Variants in ACACA observed in about 807,000 individuals in gnomAD.
ACACA encodes the protein acetyl-CoA carboxylase 1.
Under a neutral mutation model 296.1 loss-of-function variants are expected in ACACA, and 103 were observed. The observed-to-expected ratio is 0.35, with a 90% CI of 0.30 to 0.41. The LOEUF is 0.41. Ranked by LOEUF, ACACA falls within the 10% of genes least tolerant of loss-of-function variation. The pLI is 1.00. For synonymous variants in ACACA, 953 were observed against 1,038.6 expected, an observed-to-expected ratio of 0.92 and a Z score of 1.58; for missense variants, 1,554 against 2,989.7, an observed-to-expected ratio of 0.52 and a Z score of 11.20.
intron 2 of ACACA, among the ~76,000 whole-genome samples, chr17:37,334,676 C>T (rs2048031245): frequency 6.6e-6 from 1 of 152,118 alleles, no homozygotes; most frequent in African/African-American, 2.4e-5. Context: ...CTGGCCCTCC[C>T]TTATCATATT....
At position 37,125,764 on chromosome 17, in the gene ACACA, A is replaced by C; in HGVS notation, c.5975T>G (p.Phe1992Cys). 6.2e-7 allele frequency: 1 copy of C among 1,614,076 alleles called. No homozygotes were observed. Among genetic ancestry groups the C allele is most frequent in the Non-Finnish European group, 8.5e-7 (1 of 1,179,982 alleles). ...TQKGQWLSGF[F>C]DYGSFSEIMQ... ...AATCTCTGAGAAAGATCCATAGTCA[A>C]AAAAGCCACTCAACCACTGACCTTT... The change falls in exon 48 of 56, where the codon TTT becomes TGT. Residue 1992 changes from phenylalanine (F) to cysteine (C), a missense_variant. Phe to Cys is a radical substitution (Grantham distance 205, BLOSUM62 -2). Around this residue, in one of 16 missense-constraint regions of ACACA, gnomAD observed 553 missense variants for 1,043.6 expected, o/e 0.53. Transcript: ENST00000616317.
chr17:37,218,010 C>G (rs1036371692), intron 29 of ACACA, among the ~76,000 whole-genome samples: 4 of 151,586 alleles, frequency 2.6e-5, no homozygotes, highest in African/African-American at 9.7e-5. Flanking sequence ...TTTCTTTATT[C>G]TCACTGATTT....
rs1329011728 is a variant in ACACA, at chr17:37,226,323, C to A, written c.3360+16G>T. 1 of 1,603,072 alleles carries A rather than the reference C, an allele frequency of 6.2e-7. No individual in the cohort carries two copies. Among genetic ancestry groups the A allele is most frequent in the South Asian group, 1.1e-5 (1 of 90,824 alleles). On this transcript the variant is annotated intron_variant, in intron 26 of 55. Coordinates refer to ENST00000616317, the MANE Select transcript of ACACA (RefSeq NM_198834.3). The stretch of plus-strand genomic sequence containing the variant: ...AAAGCCATCCCTCCTTTAAGAAAAC[C>A]AACAAATGTCCTTACCTGGCGTGCT...
intron 1 of ACACA, 101 bp downstream of exon 1, chr17:37,406,161 G>A: frequency 7.4e-7 from 1 of 1,360,000 alleles, no homozygotes; most frequent in Non-Finnish European, 1.1e-6. Context: ...GACCGTATGT[G>A]TAACCTGCTT....
chr17:37,159,588 A>G (rs1248293867), intron 42 of ACACA, among the ~76,000 whole-genome samples: 1 of 152,126 alleles, frequency 6.6e-6, no homozygotes, highest in Non-Finnish European at 1.5e-5. Flanking sequence ...CTAATTCCAG[A>G]ATATTTTCAT....
In ACACA at chr17:37,097,708, G is replaced by C; in HGVS notation, c.6720+122C>G. 1.7e-6 allele frequency: 2 copies of C among 1,144,850 alleles called. No individual in the cohort carries two copies. Among genetic ancestry groups the C allele is most frequent in the South Asian group, 2.9e-5 (2 of 68,020 alleles). 70.9% of individuals were successfully genotyped at this position (1,144,850 alleles called of 1,614,324 possible). ...ATCTAAAAAATATTGAAAATGTTTT[G>C]ATCTGCAGAAGTTGTTTTAATTTGG... On this transcript the variant is annotated intron_variant, in intron 53 of 55. Transcript: ENST00000616317. This position sits in a 1 kb window ranked among gnomAD's most constrained non-coding sequence, Gnocchi z 4.8.
chr17:37,215,592 T>C (rs1418997154), intron 29 of ACACA, among the ~76,000 whole-genome samples: 1 of 152,212 alleles, frequency 6.6e-6, no homozygotes, highest in Non-Finnish European at 1.5e-5. Flanking sequence ...CTGAAGAATT[T>C]GTTTCCAGAT....
At chr17:37,262,918 T>C (rs553845916) in intron 11 of ACACA, among the ~76,000 whole-genome samples, 1 of 151,956 alleles carries the variant, frequency 6.6e-6, no homozygotes, top group Non-Finnish European at 1.5e-5. Context: ...TTAGTAGAGA[T>C]AGGGTTTCAC....
chr17:37,336,978 G>A lies in ACACA; in HGVS notation c.85+2826C>T, dbSNP rs571952793. Reference sequence around the variant, plus strand: ...ACAAACAGCATTTATAAATGCTAGAGTAGTGTGGTTCTCAAAGTGTGGTCC... The same window carrying A: ...ACAAACAGCATTTATAAATGCTAGAATAGTGTGGTTCTCAAAGTGTGGTCC... On this transcript the variant is annotated intron_variant, in intron 2 of 55. Coordinates refer to ENST00000616317, the MANE Select transcript of ACACA (RefSeq NM_198834.3). 3.3e-5 allele frequency among the ~76,000 whole-genome samples: 5 copies of A among 152,268 alleles called. No homozygotes were observed. In the South Asian group the frequency reaches 1.0e-3, roughly 32 times the overall value.
At chr17:37,183,797 GA>G (rs1371307787) in intron 39 of ACACA, among the ~76,000 whole-genome samples, 1,812 of 101,980 alleles carry the variant, frequency 0.018, 11 homozygotes, top group Non-Finnish European at 0.026. Flanking sequence ...ATCTCAAAAG[GA>G]AAAAAAAAAA....
chr17:37,205,454 A>G (rs1047098379), intron 33 of ACACA, among the ~76,000 whole-genome samples: 1 of 152,170 alleles, frequency 6.6e-6, no homozygotes, highest in African/African-American at 2.4e-5. Context: ...AGACATGTGG[A>G]AAGTCACCAA....
intron 3 of ACACA, among the ~76,000 whole-genome samples, chr17:37,326,887 TAGAAAATACA>T: frequency 6.6e-6 from 1 of 152,148 alleles, no homozygotes; most frequent in Middle Eastern, 3.4e-3. Flanking sequence ...CATTGGACTC[TAGAAAATACA>T]TGAGGCAAAT....
chr17:37,390,334 A>ATATATATCTAT (rs2050822111), intron 1 of ACACA, among the ~76,000 whole-genome samples: 1 of 93,442 alleles, frequency 1.1e-5, no homozygotes, highest in African/African-American at 4.5e-5. Flanking sequence ...ATATATATAT[A>ATATATATCTAT]AAAGGCCAGC....
At chr17:37,168,713 T>G (rs1024465496) in intron 41 of ACACA, among the ~76,000 whole-genome samples, 1 of 152,194 alleles carries the variant, frequency 6.6e-6, no homozygotes, top group Non-Finnish European at 1.5e-5. Flanking sequence ...AGAACTACGT[T>G]AGTTTGTTGG....
At position 37,194,483 on chromosome 17, in the gene ACACA, T is replaced by C. The variant is rs185399515; in HGVS notation, c.4159-1068A>G. 1.5e-4 allele frequency among the ~76,000 whole-genome samples: 23 copies of C among 152,280 alleles called. No homozygotes were observed. In the East Asian group the frequency reaches 4.2e-3, roughly 28 times the overall value. ...TGCTCAGAATCACAGAGCTGGAAGATAAACTTGGGTCTCTCTAGTGCCAGA... is the reference window on the plus strand; with the variant it reads ...TGCTCAGAATCACAGAGCTGGAAGACAAACTTGGGTCTCTCTAGTGCCAGA... On this transcript the variant is annotated intron_variant, in intron 35 of 55. Transcript: ENST00000616317.
At chr17:37,155,658 A>T in intron 43 of ACACA, 25 bp downstream of exon 43, 1 of 1,518,322 alleles carries the variant, frequency 6.6e-7, no homozygotes, top group East Asian at 2.3e-5. Context: ...TCATGACCAA[A>T]TTATTCCAAT....
chr17:37,092,714 T>C (rs1432462587), intron 54 of ACACA, among the ~76,000 whole-genome samples: 2 of 152,168 alleles, frequency 1.3e-5, no homozygotes, highest in African/African-American at 4.8e-5. Context: ...ACCCTACTAA[T>C]AACTCACCTT....
At position 37,113,179 on chromosome 17, in the gene ACACA, G is replaced by A. The variant is rs1193946316; in HGVS notation, c.6361C>T (p.Pro2121Ser). The A allele has an allele frequency of 6.2e-7, 1 of 1,614,080 alleles. No homozygotes were observed. Among genetic ancestry groups the A allele is most frequent in the African/African-American group, 1.3e-5 (1 of 74,926 alleles). ...GAGCCACCCCGCAGCTCAGCCTGGGGAGGAATGTAAACCAGCACAGGCTGG... is the reference window on the plus strand; with the variant it reads ...GAGCCACCCCGCAGCTCAGCCTGGGAAGGAATGTAAACCAGCACAGGCTGG... ...CCQPVLVYIP[P>S]QAELRGGSWV... is the part of the protein sequence containing the mutation. Residue 2121 changes from proline to serine, a missense_variant, in exon 51 of 56, where the codon CCC (proline) becomes TCC (serine). Pro to Ser is a moderately conservative substitution (Grantham distance 74, BLOSUM62 -1). Coordinates refer to ENST00000616317, the MANE Select transcript of ACACA (RefSeq NM_198834.3). The surrounding 1 kb of genome is among the most constrained non-coding windows in gnomAD (Gnocchi z 4.0).
At chr17:37,195,185 C>T (rs866269844) in intron 35 of ACACA, among the ~76,000 whole-genome samples, 7 of 152,120 alleles carry the variant, frequency 4.6e-5, no homozygotes, top group African/African-American at 1.4e-4. Flanking sequence ...TGATATTTTA[C>T]GCACACACTT....
Sources: allele counts gnomAD v4.1 joint callset (sites outside exome capture counted in the v4.1 genomes callset), GRCh38; gene constraint gnomAD v4.1.1; regional missense constraint gnomAD v4.1.1; non-coding constraint Gnocchi (gnomAD v3.1); transcripts MANE v1.5; gene names NCBI Gene and HGNC (gene_info 2026-07-23, HGNC 2026-07-21).